Variants in CSMD1 observed in about 807,000 individuals in gnomAD.
CSMD1 encodes the protein CUB and sushi domain-containing protein 1.
In CSMD1, 213 loss-of-function variants were observed where a neutral mutation model predicts 417.5. The ratio of observed to expected loss-of-function variants is 0.51; its 90% CI spans 0.46 to 0.57. The LOEUF (loss-of-function observed/expected upper bound fraction) is 0.57, where lower values mean the gene tolerates loss of function less well. Ranked by LOEUF, CSMD1 falls within the 20% of genes least tolerant of loss-of-function variation. The pLI, the probability that CSMD1 is intolerant of heterozygous loss-of-function variation, is 0.00. For synonymous variants in CSMD1, 2,862 were observed against 1,736.8 expected, an observed-to-expected ratio of 1.65 and a Z score of -16.11; for missense variants, 6,923 against 4,529.7, an observed-to-expected ratio of 1.53 and a Z score of -15.17.
chr8:3,665,357 C>T (rs1295806866), intron 7 of CSMD1, among the ~76,000 whole-genome samples: 1 of 152,022 alleles, frequency 6.6e-6, no homozygotes, highest in Non-Finnish European at 1.5e-5. Context: ...CGGCAACACC[C>T]CATCTCTACT....
chr8:4,217,134 C>T (rs1204538648), intron 3 of CSMD1, among the ~76,000 whole-genome samples: 2 of 152,156 alleles, frequency 1.3e-5, no homozygotes, highest in East Asian at 3.9e-4. Flanking sequence ...CTACATAGTA[C>T]TTTGTAGAAA....
At chr8:4,902,987 A>ATAC (rs3038340) in intron 1 of CSMD1, among the ~76,000 whole-genome samples, 6 of 137,006 alleles carry the variant, frequency 4.4e-5, no homozygotes, top group South Asian at 2.3e-4. Context: ...AATAATAATA[A>ATAC]ATAAATGATA....
chr8:4,114,567 A>ATGTCG (rs900920474), intron 3 of CSMD1, among the ~76,000 whole-genome samples: 2 of 151,814 alleles, frequency 1.3e-5, no homozygotes, highest in African/African-American at 2.4e-5. Context: ...TAATAAATGC[A>ATGTCG]TAAGTCTATA....
chr8:4,583,819 G>A (rs1027476605), intron 2 of CSMD1, among the ~76,000 whole-genome samples: 3 of 152,148 alleles, frequency 2.0e-5, no homozygotes, highest in Non-Finnish European at 4.4e-5. Flanking sequence ...CCAGCCAGCA[G>A]TGGCAACCCA....
intron 7 of CSMD1, among the ~76,000 whole-genome samples, chr8:3,703,224 C>T (rs535664252): frequency 6.6e-6 from 1 of 152,258 alleles, no homozygotes; most frequent in Non-Finnish European, 1.5e-5. Flanking sequence ...TGAAATATCT[C>T]TAAAGACTAC....
chr8:4,142,577 G>C (rs531923082), intron 3 of CSMD1, among the ~76,000 whole-genome samples: 2 of 151,346 alleles, frequency 1.3e-5, no homozygotes, highest in East Asian at 1.9e-4. Context: ...TTATATGGTA[G>C]AAAAACACGT....
intron 1 of CSMD1, among the ~76,000 whole-genome samples, chr8:4,757,312 T>A (rs189965243): frequency 6.6e-6 from 1 of 152,216 alleles, no homozygotes; most frequent in Non-Finnish European, 1.5e-5. Context: ...AATCATAACC[T>A]GGCTATCATG....
intron 5 of CSMD1, among the ~76,000 whole-genome samples, chr8:3,981,289 G>T (rs755609127): frequency 6.6e-6 from 1 of 152,070 alleles, no homozygotes; most frequent in African/African-American, 2.4e-5. Flanking sequence ...TGGGAGCTAA[G>T]CTATGAGGAC....
chr8:3,234,853 A>G (rs1442408), intron 26 of CSMD1, among the ~76,000 whole-genome samples: 103,954 of 152,148 alleles, frequency 0.68, 35,904 homozygotes, highest in Non-Finnish European at 0.73. Context: ...CATTTTACAC[A>G]AATTCTTGAA....
At chr8:4,433,101 C>T (rs377096482) in intron 2 of CSMD1, among the ~76,000 whole-genome samples, 3 of 152,182 alleles carry the variant, frequency 2.0e-5, no homozygotes, top group South Asian at 4.1e-4. Context: ...GTCATTGTCT[C>T]CCATCACCTC....
At chr8:3,842,184 A>T (rs1261666517) in intron 5 of CSMD1, among the ~76,000 whole-genome samples, 1 of 152,138 alleles carries the variant, frequency 6.6e-6, no homozygotes, top group Non-Finnish European at 1.5e-5. Flanking sequence ...TTTTCCTAGC[A>T]TCATTGTAAT....
At chr8:3,851,258 T>TA (rs1233759302) in intron 5 of CSMD1, among the ~76,000 whole-genome samples, 2 of 152,216 alleles carry the variant, frequency 1.3e-5, no homozygotes, top group African/African-American at 4.8e-5. Flanking sequence ...CAAGGGTGCA[T>TA]ATCAGGGCAA....
In CSMD1 at chr8:3,698,387, G is replaced by C. The variant is rs908900114; in HGVS notation, c.1009+10027C>G. ...TTACATTTTATGATGGAGCAAACTAGATTAGAGCAATTCTCCTTCTTGTTT... is the reference window on the plus strand; with the variant it reads ...TTACATTTTATGATGGAGCAAACTACATTAGAGCAATTCTCCTTCTTGTTT... On this transcript the variant is annotated intron_variant, in intron 7 of 69. Coordinates refer to ENST00000635120, the MANE Select transcript of CSMD1 (RefSeq NM_033225.6). Among the ~76,000 whole-genome samples the C allele has an allele frequency of 5.9e-5, 9 of 152,174 alleles. No individual in the cohort carries two copies. In the East Asian group the frequency reaches 1.5e-3, roughly 26 times the overall value.
At chr8:4,339,609 G>C (rs978745718) in intron 3 of CSMD1, among the ~76,000 whole-genome samples, 1 of 152,098 alleles carries the variant, frequency 6.6e-6, no homozygotes, top group Non-Finnish European at 1.5e-5. Flanking sequence ...GTGGGAAATC[G>C]CTCAATGATT....
intron 3 of CSMD1, among the ~76,000 whole-genome samples, chr8:4,169,228 C>T (rs1459672699): frequency 6.6e-6 from 1 of 152,104 alleles, no homozygotes; most frequent in African/African-American, 2.4e-5. Context: ...CAAAGTCCAG[C>T]AGTGTTCTCA....
chr8:3,276,195 G>A (rs1802277651), intron 26 of CSMD1, among the ~76,000 whole-genome samples: 1 of 152,132 alleles, frequency 6.6e-6, no homozygotes, highest in South Asian at 2.1e-4. Context: ...GCCGTGTGAG[G>A]TGTCAGTCTA....
intron 3 of CSMD1, among the ~76,000 whole-genome samples, chr8:4,400,469 A>G (rs137986895): frequency 1.9e-4 from 29 of 152,214 alleles, no homozygotes; most frequent in Admixed American, 3.3e-4. Context: ...CATTTGCTCC[A>G]CGCAAATTCT....
intron 29 of CSMD1, among the ~76,000 whole-genome samples, chr8:3,216,722 T>G (rs1006408700): frequency 1.6e-4 from 25 of 152,362 alleles, no homozygotes; most frequent in African/African-American, 5.1e-4. Flanking sequence ...GTGTATTTTG[T>G]GTTGTCCGTG....
chr8:4,121,568 C>T (rs1364339325), intron 3 of CSMD1, among the ~76,000 whole-genome samples: 1 of 144,428 alleles, frequency 6.9e-6, no homozygotes, highest in African/African-American at 2.5e-5. Flanking sequence ...TGTAATCAAT[C>T]TTTTATTTTT....
Sources: gnomAD v4.1 joint callset for allele counts (sites outside exome capture counted in the v4.1 genomes callset) on GRCh38, gnomAD v4.1.1 for gene constraint, MANE v1.5 for transcripts, NCBI Gene and HGNC (gene_info 2026-07-23, HGNC 2026-07-21) for gene names.